The following PDE4D variants were observed in gnomAD, a reference collection of about 807,000 sequenced individuals.
PDE4D encodes the protein 3',5'-cyclic-AMP phosphodiesterase 4D.
In PDE4D, 24 loss-of-function variants were observed where a neutral mutation model predicts 87.4. That is an observed-to-expected ratio of 0.27 (90% CI 0.20 to 0.39). The LOEUF is 0.39. Among genes scored for constraint, PDE4D ranks in the 10% least tolerant of loss-of-function variants. The probability of loss-of-function intolerance (pLI) is 1.00; values close to 1 mark genes in which losing one functional copy is unlikely to be tolerated. For synonymous variants in PDE4D, 384 were observed against 383.2 expected (o/e 1.00, Z -0.02); for missense variants, 714 against 1,041.0 (o/e 0.69, Z 4.32).
At chr5:59,255,588 T>C (rs372274553) in intron 1 of PDE4D, among the ~76,000 whole-genome samples, 15 of 152,194 alleles carry the variant, frequency 9.9e-5, no homozygotes, top group Admixed American at 6.6e-5. Flanking sequence ...AAGAGTAGGG[T>C]ATGTGAGTTA....
At chr5:60,313,702 T>G (rs1346794147) in intron 1 of PDE4D, among the ~76,000 whole-genome samples, 1 of 151,800 alleles carries the variant, frequency 6.6e-6, no homozygotes, top group African/African-American at 2.4e-5. Flanking sequence ...ACTAGCAAAC[T>G]ATGTCCTGGA....
intron 1 of PDE4D, among the ~76,000 whole-genome samples, chr5:59,467,010 A>C (rs1472594781): frequency 1.3e-5 from 2 of 152,170 alleles, no homozygotes. Context: ...TGTGGGCCCT[A>C]ATCAAATGTG....
chr5:59,947,778 G>A (rs1447560441), intron 3 of PDE4D, among the ~76,000 whole-genome samples: 1 of 152,220 alleles, frequency 6.6e-6, no homozygotes, highest in African/African-American at 2.4e-5. Flanking sequence ...GGAGGCCGAG[G>A]CAGGTGGATC....
intron 1 of PDE4D, among the ~76,000 whole-genome samples, chr5:59,323,822 C>T (rs1371217995): frequency 6.6e-6 from 1 of 151,972 alleles, no homozygotes; most frequent in Non-Finnish European, 1.5e-5. Flanking sequence ...ATGTCATTTG[C>T]TGCTTAAAAT....
Position 59,737,348 on chromosome 5 carries a change from A to G in PDE4D, c.455+155820T>C, listed in dbSNP as rs183861159. Among the ~76,000 whole-genome samples the G allele has an allele frequency of 5.9e-5, 9 of 152,194 alleles. No individual in the cohort carries two copies. In the East Asian group the frequency reaches 1.7e-3, roughly 29 times the overall value. On this transcript the variant is annotated intron_variant, in intron 1 of 14. Transcript: ENST00000340635. ...CCTTTCGGTATGTATTAAATTCCCT[A>G]GCTTTGTTTATAGTAGGGTAATTCA...
intron 1 of PDE4D, among the ~76,000 whole-genome samples, chr5:59,628,880 C>G (rs950327612): frequency 3.3e-5 from 5 of 152,146 alleles, no homozygotes; most frequent in Non-Finnish European, 5.9e-5. Flanking sequence ...TTAATTGACT[C>G]ACAGTTCAGC....
At chr5:59,661,317 A>G (rs565686970) in intron 1 of PDE4D, among the ~76,000 whole-genome samples, 169 of 152,236 alleles carry the variant, frequency 1.1e-3, no homozygotes, top group African/African-American at 3.7e-3. Flanking sequence ...TAAAAACTCC[A>G]TTACCTGCTC....
chr5:60,328,110 G>T (rs1464612866), intron 1 of PDE4D, among the ~76,000 whole-genome samples: 1 of 152,054 alleles, frequency 6.6e-6, no homozygotes, highest in African/African-American at 2.4e-5. Context: ...TCAGAGTCCT[G>T]GTTTTAACAA....
At position 59,244,068 on chromosome 5, in the gene PDE4D, A is replaced by G. The variant is rs573654457; in HGVS notation, c.456-28100T>C. On this transcript the variant is annotated intron_variant, in intron 1 of 14. Coordinates refer to ENST00000340635, the MANE Select transcript of PDE4D (RefSeq NM_001104631.2). The stretch of plus-strand genomic sequence containing the variant: ...CACCATTAGAATATCAGATTTTTCT[A>G]GAATCCTAAATGACACGAGAAAATA... 1.6e-3 allele frequency among the ~76,000 whole-genome samples: 242 copies of G among 152,280 alleles called. 2 individuals carry two copies. The highest frequency in any genetic ancestry group is 5.5e-3 in the African/African-American group (229 of 41,562).
chr5:59,461,524 C>G (rs1288732915), intron 1 of PDE4D, among the ~76,000 whole-genome samples: 3 of 152,104 alleles, frequency 2.0e-5, no homozygotes, highest in African/African-American at 7.2e-5. Flanking sequence ...ATCTGGCTAC[C>G]TAGGTAGGCC....
At chr5:59,144,146 T>C (rs1370776302) in intron 5 of PDE4D, among the ~76,000 whole-genome samples, 2 of 152,240 alleles carry the variant, frequency 1.3e-5, no homozygotes, top group Non-Finnish European at 2.9e-5. Flanking sequence ...TAATTTTCTA[T>C]TGTTAAAGAG....
At chr5:59,597,493 T>C (rs906382246) in intron 1 of PDE4D, among the ~76,000 whole-genome samples, 1 of 151,862 alleles carries the variant, frequency 6.6e-6, no homozygotes. Context: ...TAAATGTCAG[T>C]TTGTTTCAGA....
chr5:59,113,092 G>T (rs990533586), intron 5 of PDE4D, among the ~76,000 whole-genome samples: 1 of 151,858 alleles, frequency 6.6e-6, no homozygotes, highest in Non-Finnish European at 1.5e-5. Context: ...TTCCCTCCTT[G>T]TTCTCTTCCT....
intron 1 of PDE4D, among the ~76,000 whole-genome samples, chr5:59,257,532 C>A (rs1346382114): frequency 3.3e-5 from 5 of 151,990 alleles, no homozygotes; most frequent in Non-Finnish European, 7.4e-5. Context: ...CTATTCCAAC[C>A]ATTTGGTAGA....
intron 3 of PDE4D, among the ~76,000 whole-genome samples, chr5:59,185,819 C>T (rs779117915): frequency 6.6e-6 from 1 of 152,160 alleles, no homozygotes; most frequent in South Asian, 2.1e-4. Flanking sequence ...CTCAGGGATG[C>T]GTTTCTTATG....
At chr5:59,137,760 T>G (rs930949531) in intron 5 of PDE4D, among the ~76,000 whole-genome samples, 1 of 152,204 alleles carries the variant, frequency 6.6e-6, no homozygotes, top group Non-Finnish European at 1.5e-5. Context: ...TCTCCTGACT[T>G]CTTGATCTGC....
At chr5:59,579,326 C>G (rs1036348165) in intron 1 of PDE4D, among the ~76,000 whole-genome samples, 2 of 152,138 alleles carry the variant, frequency 1.3e-5, no homozygotes, top group Non-Finnish European at 2.9e-5. Flanking sequence ...GAATAAATAA[C>G]TCAGTGTGTT....
intron 9 of PDE4D, among the ~76,000 whole-genome samples, chr5:58,990,424 A>G (rs1245624336): frequency 6.6e-6 from 1 of 152,196 alleles, no homozygotes; most frequent in African/African-American, 2.4e-5. Context: ...AAAGTGACTG[A>G]AAAAACTATA....
intron 1 of PDE4D, among the ~76,000 whole-genome samples, chr5:60,376,849 G>A (rs1486379406): frequency 6.6e-6 from 1 of 152,148 alleles, no homozygotes; most frequent in African/African-American, 2.4e-5. Context: ...CAAATGATAA[G>A]TCTCAGCCTA....
Sources: allele counts gnomAD v4.1 joint callset (sites outside exome capture counted in the v4.1 genomes callset), GRCh38; gene constraint gnomAD v4.1.1; transcripts MANE v1.5; gene names NCBI Gene and HGNC (gene_info 2026-07-23, HGNC 2026-07-21).